Variants in NET1 observed in about 807,000 individuals in gnomAD.
NET1 encodes neuroepithelial cell transforming 1, also known as neuroepithelial cell-transforming gene 1 protein.
NET1 carries 42 observed loss-of-function variants against 61.1 expected under a neutral mutation model. The observed-to-expected ratio is 0.69, with a 90% CI of 0.54 to 0.89. The LOEUF (loss-of-function observed/expected upper bound fraction) is 0.89, where lower values mean the gene tolerates loss of function less well. Among genes scored for constraint, NET1 ranks in the 40% least tolerant of loss-of-function variants. The pLI, the probability that NET1 is intolerant of heterozygous loss-of-function variation, is 0.00. For missense variants in NET1, 654 were observed against 747.3 expected (o/e 0.88, Z 1.46); for synonymous variants, 254 against 281.8 (o/e 0.90, Z 0.99).
Position 5,447,855 on chromosome 10 carries a change from A to G in NET1, c.256-3975A>G, listed in dbSNP as rs1407321369. On this transcript the variant is annotated intron_variant, in intron 3 of 11. Transcript: ENST00000355029. This position sits in a 1 kb window ranked among gnomAD's most constrained non-coding sequence, Gnocchi z 4.1. The stretch of plus-strand genomic sequence containing the variant: ...TCCTTTGAGTAGAGCAGTCATCCAC[A>G]GTCACTAGTGTGAATCCTGCAGCTT... 1.3e-5 allele frequency among the ~76,000 whole-genome samples: 2 copies of G among 152,232 alleles called. No individual in the cohort carries two copies. The highest frequency in any genetic ancestry group is 4.8e-5 in the African/African-American group (2 of 41,468).
chr10:5,416,357 CAA>C lies in NET1; in HGVS notation c.128+3538_128+3539del, dbSNP rs1334605793. ...TCCTCCTACTTTGTTCTTTTTTTCCCAAGATTGTTGTGGCTATCCTGGGTCTC... is the reference window on the plus strand; with the variant it reads ...TCCTCCTACTTTGTTCTTTTTTTCCCGATTGTTGTGGCTATCCTGGGTCTC... On this transcript the variant is annotated intron_variant, in intron 1 of 11. Coordinates refer to ENST00000355029, the MANE Select transcript of NET1 (RefSeq NM_001047160.3). This position sits in a 1 kb window ranked among gnomAD's most constrained non-coding sequence, Gnocchi z 6.1. Among the ~76,000 whole-genome samples, 5 of 151,906 alleles carry C rather than the reference CAA, an allele frequency of 3.3e-5. No individual in the cohort carries two copies. The highest frequency in any genetic ancestry group is 1.2e-4 in the African/African-American group (5 of 41,368).
Position 5,426,196 on chromosome 10 carries a change from TG to T in NET1, c.129-458del, listed in dbSNP as rs1171102285. 3.3e-5 allele frequency among the ~76,000 whole-genome samples: 5 copies of T among 152,332 alleles called. No homozygotes were observed. The highest frequency in any genetic ancestry group is 2.6e-4 in the Admixed American group (4 of 15,308). On this transcript the variant is annotated intron_variant, in intron 1 of 11. Transcript: ENST00000355029. The surrounding 1 kb of genome is among the most constrained non-coding windows in gnomAD (Gnocchi z 4.6). The stretch of plus-strand genomic sequence containing the variant: ...AGTTTTAAAAAATTAGGGATTTACA[TG>T]AAATGCAGATAATGTGAAGTTAGGT...
In NET1 at chr10:5,440,817, C is replaced by A. The variant is rs944950971; in HGVS notation, c.256-11013C>A. 4.8e-4 allele frequency among the ~76,000 whole-genome samples: 73 copies of A among 152,366 alleles called. No individual in the cohort carries two copies. The highest frequency in any genetic ancestry group is 1.7e-3 in the African/African-American group (70 of 41,586). On this transcript the variant is annotated intron_variant, in intron 3 of 11. Coordinates refer to ENST00000355029, the MANE Select transcript of NET1 (RefSeq NM_001047160.3). This position sits in a 1 kb window ranked among gnomAD's most constrained non-coding sequence, Gnocchi z 4.1. ...CACTACTATGTAAGGCATTGCCTCA[C>A]TACTCTGTGTCTCATCCCTATTCAT...
Position 5,427,070 on chromosome 10 carries a change from A to G in NET1, c.195+349A>G. 6.6e-6 allele frequency among the ~76,000 whole-genome samples: 1 copy of G among 151,944 alleles called. No homozygotes were observed. ...CTGCCTTTTTTTCTTGGTTGAAAAT[A>G]TAAAAATGCTTGATTGCACATTGTG... is the stretch of plus-strand genomic sequence containing the variant. On this transcript the variant is annotated intron_variant, in intron 2 of 11. Transcript: ENST00000355029. The surrounding 1 kb of genome is among the most constrained non-coding windows in gnomAD (Gnocchi z 4.1).
At chr10:5,430,147 A>T (rs1832325328) in intron 3 of NET1, among the ~76,000 whole-genome samples, 1 of 152,174 alleles carries the variant, frequency 6.6e-6, no homozygotes, top group African/African-American at 2.4e-5. Context: ...AATATCTTGT[A>T]TTCAAAAAAA....
intron 3 of NET1, among the ~76,000 whole-genome samples, chr10:5,434,341 C>T (rs1832393241): frequency 6.6e-6 from 1 of 152,112 alleles, no homozygotes; most frequent in Non-Finnish European, 1.5e-5. Flanking sequence ...GAGTCTACTC[C>T]TAGGAGTTTT....
At chr10:5,419,528 A>G (rs1413648198) in intron 1 of NET1, among the ~76,000 whole-genome samples, 1 of 151,984 alleles carries the variant, frequency 6.6e-6, no homozygotes, top group Non-Finnish European at 1.5e-5. Flanking sequence ...AATTTATAGC[A>G]TTTGAATTTC....
rs1389715156 is a variant in NET1 at position 5,446,137 on chromosome 10, G to GGAACTATTTAAAGACTTAGATA, written c.256-5692_256-5671dup. On this transcript the variant is annotated intron_variant, in intron 3 of 11. Coordinates refer to ENST00000355029, the MANE Select transcript of NET1 (RefSeq NM_001047160.3). The surrounding 1 kb of genome is among the most constrained non-coding windows in gnomAD (Gnocchi z 5.0). ...ACCCTGCTAGTCTTAAGAAAAAGTG[G>GGAACTATTTAAAGACTTAGATA]GAACTATTTAAAGACTTAGATAATC... Among the ~76,000 whole-genome samples the GGAACTATTTAAAGACTTAGATA allele has an allele frequency of 6.6e-6, 1 of 152,120 alleles. No homozygotes were observed. The highest frequency in any genetic ancestry group is 1.5e-5 in the Non-Finnish European group (1 of 68,020).
rs766442968 is a variant in NET1 at position 5,422,336 on chromosome 10, C to CA, written c.129-4306dup. ...TGGGTGACAGAGCAAAACTCCGTCTCAAAAAAAAAAAAAGTCTTTGTGTAG... is the reference window on the plus strand; with the variant it reads ...TGGGTGACAGAGCAAAACTCCGTCTCAAAAAAAAAAAAAAGTCTTTGTGTAG... On this transcript the variant is annotated intron_variant, in intron 1 of 11. Coordinates refer to ENST00000355029, the MANE Select transcript of NET1 (RefSeq NM_001047160.3). This position sits in a 1 kb window ranked among gnomAD's most constrained non-coding sequence, Gnocchi z 4.1. Among the ~76,000 whole-genome samples, 111 of 133,294 alleles carry CA rather than the reference C, an allele frequency of 8.3e-4. No homozygotes were observed. Among genetic ancestry groups the CA allele is most frequent in the South Asian group, 1.9e-3 (8 of 4,136 alleles). The allele number at this position is 133,294 out of a possible 152,430, so 87.4% of individuals were successfully genotyped here.
chr10:5,415,526 G>A lies in NET1; in HGVS notation c.128+2706G>A, dbSNP rs1465584064. The stretch of plus-strand genomic sequence containing the variant: ...ATGATCTCGGCTCACTGCAACCTCC[G>A]CCTCCCGGGTTCAAGTGATTCTCCT... On this transcript the variant is annotated intron_variant, in intron 1 of 11. Coordinates refer to ENST00000355029, the MANE Select transcript of NET1 (RefSeq NM_001047160.3). This position sits in a 1 kb window ranked among gnomAD's most constrained non-coding sequence, Gnocchi z 4.7. Among the ~76,000 whole-genome samples, 3 of 149,792 alleles carry A rather than the reference G, an allele frequency of 2.0e-5. No individual in the cohort carries two copies. In the East Asian group the frequency reaches 5.9e-4, roughly 29 times the overall value.
At position 5,456,490 on chromosome 10, in the gene NET1, C is replaced by A; in HGVS notation, c.1385-98C>A. 2 of 1,233,132 alleles carry A rather than the reference C, an allele frequency of 1.6e-6. No individual in the cohort carries two copies. The highest frequency in any genetic ancestry group is 2.2e-6 in the Non-Finnish European group (2 of 888,974). 76.4% of individuals were successfully genotyped at this position (1,233,132 alleles called of 1,614,324 possible). On this transcript the variant is annotated intron_variant, in intron 11 of 11. Transcript: ENST00000355029. This position sits in a 1 kb window ranked among gnomAD's most constrained non-coding sequence, Gnocchi z 7.0. Reference sequence around the variant, plus strand: ...ATTCACATTGACATAAATAAATTGCCATAAATTGACAGTCACGTTAAGATT... The same window carrying A: ...ATTCACATTGACATAAATAAATTGCAATAAATTGACAGTCACGTTAAGATT...
At position 5,446,504 on chromosome 10, in the gene NET1, C is replaced by G; in HGVS notation, c.256-5326C>G. ...CTGAGAGGCCTAGGTGTGCCCAGCT[C>G]TCAGTTAACTGAAGTCACGTGGTGG... On this transcript the variant is annotated intron_variant, in intron 3 of 11. Transcript: ENST00000355029. The surrounding 1 kb of genome is among the most constrained non-coding windows in gnomAD (Gnocchi z 5.0). 1 of 1,039,782 alleles carries G rather than the reference C, an allele frequency of 9.6e-7. No individual in the cohort carries two copies. Among genetic ancestry groups the G allele is most frequent in the Non-Finnish European group, 1.2e-6 (1 of 852,210 alleles). 64.4% of individuals were successfully genotyped at this position (1,039,782 alleles called of 1,614,324 possible).
chr10:5,450,492 G>A (rs1321788558), intron 3 of NET1, among the ~76,000 whole-genome samples: 1 of 151,576 alleles, frequency 6.6e-6, no homozygotes, highest in Non-Finnish European at 1.5e-5. Flanking sequence ...TTGTTTAAAG[G>A]CATTATTTTT....
Position 5,439,161 on chromosome 10 carries a change from T to C in NET1, c.255+9932T>C, listed in dbSNP as rs1832485543. Among the ~76,000 whole-genome samples, 1 of 152,234 alleles carries C rather than the reference T, an allele frequency of 6.6e-6. No homozygotes were observed. Among genetic ancestry groups the C allele is most frequent in the South Asian group, 2.1e-4 (1 of 4,830 alleles). ...CACTGCTCAGGAGCCTGTGTATATC[T>C]GTATGTCATGCCATTTCTCCCTTCA... On this transcript the variant is annotated intron_variant, in intron 3 of 11. Transcript: ENST00000355029. This position sits in a 1 kb window ranked among gnomAD's most constrained non-coding sequence, Gnocchi z 4.8.
In NET1 at chr10:5,423,749, AT is replaced by A. The variant is rs963890014; in HGVS notation, c.129-2899del. On this transcript the variant is annotated intron_variant, in intron 1 of 11. Coordinates refer to ENST00000355029, the MANE Select transcript of NET1 (RefSeq NM_001047160.3). This position sits in a 1 kb window ranked among gnomAD's most constrained non-coding sequence, Gnocchi z 4.4. ...TGCAATCTTAATGTTTTATGAAATCATTTTTTTCCCCACAAGGATTTAAAAT... is the reference window on the plus strand; with the variant it reads ...TGCAATCTTAATGTTTTATGAAATCATTTTTTCCCCACAAGGATTTAAAAT... 7.9e-5 allele frequency among the ~76,000 whole-genome samples: 12 copies of A among 152,064 alleles called. No individual in the cohort carries two copies. The highest frequency in any genetic ancestry group is 2.2e-4 in the African/African-American group (9 of 41,424).
rs1009569707 is a variant in NET1, at chr10:5,431,329, A to G, written c.255+2100A>G. 1.3e-5 allele frequency among the ~76,000 whole-genome samples: 2 copies of G among 152,206 alleles called. No homozygotes were observed. Among genetic ancestry groups the G allele is most frequent in the African/African-American group, 4.8e-5 (2 of 41,458 alleles). On this transcript the variant is annotated intron_variant, in intron 3 of 11. Transcript: ENST00000355029. This position sits in a 1 kb window ranked among gnomAD's most constrained non-coding sequence, Gnocchi z 4.9. ...TTGCATCCCCATGGTATCATTGACT[A>G]TGTTCCTCTATTCCCTGTATTTCTG...
In NET1 at chr10:5,435,916, G is replaced by A. The variant is rs1368226103; in HGVS notation, c.255+6687G>A. On this transcript the variant is annotated intron_variant, in intron 3 of 11. Transcript: ENST00000355029. The surrounding 1 kb of genome is among the most constrained non-coding windows in gnomAD (Gnocchi z 5.0). Reference sequence around the variant, plus strand: ...ATGTGTTTCTCAGCTGTGTATGTTAGCAACTACAATCTTTCCTTTTTATTT... The same window carrying A: ...ATGTGTTTCTCAGCTGTGTATGTTAACAACTACAATCTTTCCTTTTTATTT... Among the ~76,000 whole-genome samples, 1 of 151,874 alleles carries A rather than the reference G, an allele frequency of 6.6e-6. No homozygotes were observed. Among genetic ancestry groups the A allele is most frequent in the Non-Finnish European group, 1.5e-5 (1 of 67,968 alleles).
rs1312479576 is a variant in NET1, at chr10:5,444,345, C to T, written c.256-7485C>T. ...AGAAGGGCAGTGGTGGTCCTTCCTG[C>T]AAGAAGTAGCAACTCTCCTGCAAAC... On this transcript the variant is annotated intron_variant, in intron 3 of 11. Transcript: ENST00000355029. The surrounding 1 kb of genome is among the most constrained non-coding windows in gnomAD (Gnocchi z 5.3). 5.3e-5 allele frequency among the ~76,000 whole-genome samples: 8 copies of T among 152,212 alleles called. No homozygotes were observed. Among genetic ancestry groups the T allele is most frequent in the Non-Finnish European group, 1.5e-5 (1 of 68,034 alleles).
chr10:5,439,977 A>G lies in NET1; in HGVS notation c.255+10748A>G, dbSNP rs920553022. ...GCTAGCACTGTGCCTAGAAGATGCA[A>G]GGTGCAACACCTGTCCTTTCCTGTA... is the stretch of plus-strand genomic sequence containing the variant. On this transcript the variant is annotated intron_variant, in intron 3 of 11. Transcript: ENST00000355029. The surrounding 1 kb of genome is among the most constrained non-coding windows in gnomAD (Gnocchi z 4.8). Among the ~76,000 whole-genome samples the G allele has an allele frequency of 6.6e-6, 1 of 152,226 alleles. No individual in the cohort carries two copies. Among genetic ancestry groups the G allele is most frequent in the East Asian group, 1.9e-4 (1 of 5,198 alleles).
Sources: allele counts gnomAD v4.1 joint callset (sites outside exome capture counted in the v4.1 genomes callset), GRCh38; gene constraint gnomAD v4.1.1; non-coding constraint Gnocchi (gnomAD v3.1); transcripts MANE v1.5; gene names NCBI Gene and HGNC (gene_info 2026-07-23, HGNC 2026-07-21).